XPR1: variants seen among roughly 807,000 people sequenced by gnomAD.
XPR1 encodes the protein solute carrier family 53 member 1.
XPR1 carries 28 observed loss-of-function variants against 87.5 expected under a neutral mutation model. That is an observed-to-expected ratio of 0.32 (90% CI 0.24 to 0.44). The LOEUF (loss-of-function observed/expected upper bound fraction) is 0.44, where lower values mean the gene tolerates loss of function less well. XPR1 is among the 20% of genes least tolerant of loss of function. The pLI, the probability that XPR1 is intolerant of heterozygous loss-of-function variation, is 1.00. For synonymous variants in XPR1, 300 were observed against 306.1 expected (o/e 0.98, Z 0.21); for missense variants, 559 against 862.3 (o/e 0.65, Z 4.41).
rs193064872 is a variant in XPR1, at chr1:180,764,343, C to T, written c.122-23410C>T. Among the ~76,000 whole-genome samples the T allele has an allele frequency of 1.1e-3, 164 of 151,948 alleles. 1 individual carries two copies. Among genetic ancestry groups the T allele is most frequent in the Non-Finnish European group, 1.4e-3 (93 of 67,974 alleles). On this transcript the variant is annotated intron_variant, in intron 2 of 14. Transcript: ENST00000367590. ...TCCAAGATACCTCATTATATATATG[C>T]AAATATTCCAAAATCCAAAAAAATT... is the stretch of plus-strand genomic sequence containing the variant.
intron 13 of XPR1, among the ~76,000 whole-genome samples, chr1:180,878,459 TTAA>T (rs1023926037): frequency 9.2e-5 from 14 of 152,312 alleles, no homozygotes; most frequent in African/African-American, 3.4e-4. Context: ...ACCACTTTTG[TTAA>T]TAATCTATAA....
At chr1:180,849,640 T>A (rs1263602164) in intron 11 of XPR1, among the ~76,000 whole-genome samples, 2 of 152,222 alleles carry the variant, frequency 1.3e-5, no homozygotes, top group African/African-American at 4.8e-5. Context: ...TACTTCCTCC[T>A]ACTGAACTAT....
At chr1:180,666,300 T>C (rs1375252584) in intron 1 of XPR1, among the ~76,000 whole-genome samples, 1 of 152,180 alleles carries the variant, frequency 6.6e-6, no homozygotes, top group Non-Finnish European at 1.5e-5. Flanking sequence ...AATTTGACAA[T>C]GGGGTTTTTC....
intron 11 of XPR1, among the ~76,000 whole-genome samples, chr1:180,841,699 A>G (rs1571887362): frequency 6.6e-6 from 1 of 152,146 alleles, no homozygotes; most frequent in African/African-American, 2.4e-5. Flanking sequence ...CTCACCGAAC[A>G]CTATTCAGTA....
In XPR1 at chr1:180,886,503, C is replaced by A. The variant is rs1410402491; in HGVS notation, c.*2437C>A. On this transcript the variant is annotated 3_prime_UTR_variant, in exon 15 of 15. Transcript: ENST00000367590. ...TAGTCTTTCTTCAACTGTTACAGTT[C>A]TAGGCCCTAATCGGTCTTATTCTTT... The A allele has an allele frequency of 2.0e-5, 3 of 152,172 alleles. No homozygotes were observed. The highest frequency in any genetic ancestry group is 7.2e-5 in the African/African-American group (3 of 41,444). The allele number at this position is 152,172 out of a possible 1,614,324, so 9.4% of individuals were successfully genotyped here. A position where few individuals can be genotyped will look rare whatever the true frequency, so the allele number is the denominator to read the frequency against.
At chr1:180,686,790 T>C (rs1656796778) in intron 2 of XPR1, among the ~76,000 whole-genome samples, 1 of 152,222 alleles carries the variant, frequency 6.6e-6, no homozygotes, top group Non-Finnish European at 1.5e-5. Context: ...AATGAAGTTA[T>C]TTAATAAAAC....
chr1:180,639,228 C>T (rs1654884594), intron 1 of XPR1, among the ~76,000 whole-genome samples: 2 of 151,874 alleles, frequency 1.3e-5, no homozygotes, highest in Admixed American at 6.6e-5. Flanking sequence ...GCGGAGGTTG[C>T]AGTGAGCTGA....
intron 12 of XPR1, among the ~76,000 whole-genome samples, chr1:180,865,432 G>A (rs1176531219): frequency 7.1e-6 from 1 of 140,952 alleles, no homozygotes; most frequent in Non-Finnish European, 1.5e-5. Flanking sequence ...ACAGAGTCTT[G>A]CTCTGTCACC....
At chr1:180,855,265 A>G (rs1364094752) in intron 11 of XPR1, among the ~76,000 whole-genome samples, 1 of 152,242 alleles carries the variant, frequency 6.6e-6, no homozygotes, top group Non-Finnish European at 1.5e-5. Context: ...ATGTTTTGTG[A>G]AAAGAATGTC....
chr1:180,742,833 A>G (rs1658964407), intron 2 of XPR1, among the ~76,000 whole-genome samples: 1 of 152,086 alleles, frequency 6.6e-6, no homozygotes, highest in Admixed American at 6.5e-5. Flanking sequence ...GTGCATCCAC[A>G]CTTTCAAAGT....
chr1:180,879,484 A>G (rs1652775606), intron 13 of XPR1, among the ~76,000 whole-genome samples: 1 of 151,986 alleles, frequency 6.6e-6, no homozygotes, highest in African/African-American at 2.4e-5. Context: ...GCCCCCACTG[A>G]CCTTGCTGTT....
chr1:180,656,379 AT>A (rs1557941156), intron 1 of XPR1, among the ~76,000 whole-genome samples: 18 of 90,062 alleles, frequency 2.0e-4, no homozygotes, highest in African/African-American at 7.8e-4. Flanking sequence ...TTTATATATA[AT>A]ATTCATGTAT....
chr1:180,771,476 G>T (rs557112299), intron 2 of XPR1, among the ~76,000 whole-genome samples: 190 of 152,178 alleles, frequency 1.2e-3, no homozygotes, highest in African/African-American at 4.4e-3. Context: ...TAACATGTTG[G>T]TATAGTATTA....
chr1:180,788,703 T>C (rs1649269854), intron 3 of XPR1, among the ~76,000 whole-genome samples: 1 of 151,992 alleles, frequency 6.6e-6, no homozygotes, highest in Non-Finnish European at 1.5e-5. Flanking sequence ...ATCCAAAATA[T>C]AAAATTACTC....
intron 1 of XPR1, among the ~76,000 whole-genome samples, chr1:180,663,446 G>T (rs1396025778): frequency 1.3e-5 from 2 of 152,198 alleles, no homozygotes; most frequent in African/African-American, 4.8e-5. Flanking sequence ...TCTCTGGATT[G>T]TCAGGTAGAG....
chr1:180,840,771 G>GA (rs1451256373), intron 11 of XPR1, among the ~76,000 whole-genome samples: 1 of 151,316 alleles, frequency 6.6e-6, no homozygotes, highest in Non-Finnish European at 1.5e-5. Flanking sequence ...AAACAGAGAG[G>GA]AAAAAATTGA....
At chr1:180,742,427 G>T (rs1313521405) in intron 2 of XPR1, among the ~76,000 whole-genome samples, 2 of 152,004 alleles carry the variant, frequency 1.3e-5, no homozygotes, top group East Asian at 3.8e-4. Context: ...CCATGTGTTT[G>T]GAGAATTTGC....
At chr1:180,761,840 T>C (rs1349395367) in intron 2 of XPR1, among the ~76,000 whole-genome samples, 6 of 152,198 alleles carry the variant, frequency 3.9e-5, no homozygotes, top group Non-Finnish European at 8.8e-5. Flanking sequence ...ATAGCGGCAC[T>C]ATTCACAGTA....
intron 2 of XPR1, among the ~76,000 whole-genome samples, chr1:180,722,245 G>A (rs758119096): frequency 1.4e-4 from 22 of 152,200 alleles, no homozygotes; most frequent in South Asian, 1.2e-3. Flanking sequence ...ACAGGAGCCC[G>A]CCACCACACC....
Sources: allele counts gnomAD v4.1 joint callset (sites outside exome capture counted in the v4.1 genomes callset), GRCh38; gene constraint gnomAD v4.1.1; transcripts MANE v1.5; gene names NCBI Gene and HGNC (gene_info 2026-07-23, HGNC 2026-07-21).